FNDC1: variants seen among roughly 807,000 people sequenced by gnomAD.
FNDC1 encodes fibronectin type III domain-containing protein 1.
Under a neutral mutation model 168.0 loss-of-function variants are expected in FNDC1, and 96 were observed. The ratio of observed to expected loss-of-function variants is 0.57; its 90% CI spans 0.48 to 0.68. The LOEUF (loss-of-function observed/expected upper bound fraction) is 0.68. FNDC1 is among the 30% of genes least tolerant of loss of function. The pLI is 0.00. For synonymous variants in FNDC1, 1,099 were observed against 1,025.9 expected, an observed-to-expected ratio of 1.07 and a Z score of -1.36; for missense variants, 2,587 against 2,482.1, an observed-to-expected ratio of 1.04 and a Z score of -0.90.
At chr6:159,183,524 A>G (rs1481179727) in intron 1 of FNDC1, among the ~76,000 whole-genome samples, 3 of 152,190 alleles carry the variant, frequency 2.0e-5, no homozygotes, top group Admixed American at 1.3e-4. Context: ...CCTTCCACAT[A>G]TGGATGGTCT....
rs1213847082 is a variant in FNDC1 at position 159,232,757 on chromosome 6, G to A, written c.2245G>A (p.Asp749Asn). The change falls in exon 11 of 23, where the codon GAC becomes AAC. Residue 749 changes from aspartate (D) to asparagine (N), a missense_variant. Transcript: ENST00000297267. The surrounding 1 kb of genome is among the most constrained non-coding windows in gnomAD (Gnocchi z 4.9). ...PLSKGGKDGEDAPATNSNAPS... is the reference protein window; with the variant it reads ...PLSKGGKDGENAPATNSNAPS... ...TTCCAAGGGCGGGAAGGATGGTGAGGACGCCCCAGCCACCAACTCCAATGC... is the reference window on the plus strand; with the variant it reads ...TTCCAAGGGCGGGAAGGATGGTGAGAACGCCCCAGCCACCAACTCCAATGC... 6.2e-7 allele frequency: 1 copy of A among 1,613,880 alleles called. No individual in the cohort carries two copies. The highest frequency in any genetic ancestry group is 2.2e-5 in the East Asian group (1 of 44,846).
At chr6:159,227,451 C>T (rs1235169158) in intron 9 of FNDC1, among the ~76,000 whole-genome samples, 1 of 152,112 alleles carries the variant, frequency 6.6e-6, no homozygotes, top group Non-Finnish European at 1.5e-5. Context: ...TACTAGTCTC[C>T]TTTGAGAATT....
intron 18 of FNDC1, among the ~76,000 whole-genome samples, chr6:159,260,440 A>C (rs78589424): frequency 0.088 from 13,368 of 152,248 alleles, 1,073 homozygotes; most frequent in East Asian, 0.32. Flanking sequence ...GTTCCAAGAC[A>C]AAATTTAGCC....
chr6:159,187,407 G>A (rs969809496), intron 1 of FNDC1, among the ~76,000 whole-genome samples: 1 of 152,152 alleles, frequency 6.6e-6, no homozygotes, highest in Non-Finnish European at 1.5e-5. Context: ...ATTCCCTAGT[G>A]TGTTTTATAA....
intron 1 of FNDC1, among the ~76,000 whole-genome samples, chr6:159,181,969 T>C (rs294882): frequency 0.54 from 82,045 of 151,946 alleles, 22,444 homozygotes; most frequent in Middle Eastern, 0.63. Context: ...CACTTTCCAC[T>C]CCACCCATCA....
chr6:159,194,096 C>T (rs919149801), intron 1 of FNDC1, among the ~76,000 whole-genome samples: 2 of 152,314 alleles, frequency 1.3e-5, no homozygotes, highest in African/African-American at 2.4e-5. Flanking sequence ...TCTGGAGCAC[C>T]TTACCATCTG....
rs1383751277 is a variant in FNDC1, at chr6:159,232,804, C to G, written c.2292C>G (p.Ser764=). 3.1e-6 allele frequency: 5 copies of G among 1,613,882 alleles called. No individual in the cohort carries two copies. In the South Asian group the frequency reaches 5.5e-5, roughly 18 times the overall value. The change falls in exon 11 of 23, where the codon TCC becomes TCG. Residue 764 remains serine, a synonymous_variant. Coordinates refer to ENST00000297267, the MANE Select transcript of FNDC1 (RefSeq NM_032532.3). The surrounding 1 kb of genome is among the most constrained non-coding windows in gnomAD (Gnocchi z 4.9). ...ATGCGCCATCACGGTCCACCATGTC[C>G]TCCTCCGTCTCTTCTCATCTCTCGT... ...NSNAPSRSTM[S]SSVSSHLSSR...
intron 1 of FNDC1, among the ~76,000 whole-genome samples, chr6:159,183,316 T>C (rs1445323002): frequency 2.0e-5 from 3 of 152,164 alleles, no homozygotes; most frequent in African/African-American, 4.8e-5. Flanking sequence ...TGACTTGACA[T>C]TGGGGGACAT....
chr6:159,171,603 C>A (rs1296570361), intron 1 of FNDC1, among the ~76,000 whole-genome samples: 1 of 152,218 alleles, frequency 6.6e-6, no homozygotes, highest in Non-Finnish European at 1.5e-5. Context: ...AAGCAGGACA[C>A]ACTGAAGATC....
chr6:159,173,527 G>A (rs2114913779), intron 1 of FNDC1, among the ~76,000 whole-genome samples: 1 of 152,274 alleles, frequency 6.6e-6, no homozygotes, highest in South Asian at 2.1e-4. Context: ...GTTGTAATAG[G>A]ATTGCAGAGT....
chr6:159,249,289 G>A, intron 16 of FNDC1, 107 bp downstream of exon 16: 2 of 1,094,268 alleles, frequency 1.8e-6, no homozygotes, highest in Non-Finnish European at 2.6e-6. Context: ...ATTTTGAGAA[G>A]TTTTTCCAGA....
rs1783172191 is a variant in FNDC1 at position 159,233,843 on chromosome 6, C to G, written c.3331C>G (p.Gln1111Glu). ...GGCAGCTGCGTCCCTTCCCAAGCAC[C>G]AGCAGGTGGAGTCTCCCACAGGCGC... is the stretch of plus-strand genomic sequence containing the variant. ...KEAAASLPKH[Q>E]QVESPTGAGA... The change falls in exon 11 of 23, where the codon CAG (glutamine) becomes GAG (glutamate). Residue 1111 changes from glutamine to glutamate, a missense_variant. Transcript: ENST00000297267. This position sits in a 1 kb window ranked among gnomAD's most constrained non-coding sequence, Gnocchi z 4.6. 1.3e-6 allele frequency: 2 copies of G among 1,544,516 alleles called. No individual in the cohort carries two copies. The highest frequency in any genetic ancestry group is 2.7e-5 in the African/African-American group (2 of 72,860).
chr6:159,178,206 C>A (rs1462705128), intron 1 of FNDC1, among the ~76,000 whole-genome samples: 2 of 152,214 alleles, frequency 1.3e-5, no homozygotes, highest in Non-Finnish European at 2.9e-5. Context: ...CTGGCACTAT[C>A]CTCTTCATTG....
intron 22 of FNDC1, among the ~76,000 whole-genome samples, chr6:159,269,597 GTCTATCTATCTA>G (rs201581423): frequency 0.024 from 3,008 of 123,872 alleles, 36 homozygotes; most frequent in African/African-American, 0.031. Flanking sequence ...CTGTCTGTCT[GTCTATCTATCTA>G]TCTATCTATC....
chr6:159,183,874 G>T (rs556405240), intron 1 of FNDC1, among the ~76,000 whole-genome samples: 2 of 152,208 alleles, frequency 1.3e-5, no homozygotes, highest in African/African-American at 4.8e-5. Flanking sequence ...TTCAGGGCAC[G>T]AGCTCATGTG....
In FNDC1 at chr6:159,221,625, T is replaced by G. The variant is rs199700478; in HGVS notation, c.695T>G (p.Leu232Arg). Residue 232 changes from leucine to arginine, a missense_variant, in exon 6 of 23, where the codon CTG (leucine) becomes CGG (arginine). By Grantham distance (102) the Leu-to-Arg change is moderately radical (BLOSUM62 -2). Transcript: ENST00000297267. ...TCGGAATCCGTGTATGTGGTCTCCC[T>G]GCAGTCCATGAACTCTCAGGGCCGG... Reference protein sequence around the residue: ...LASESVYVVSLQSMNSQGRSQ... With the variant: ...LASESVYVVSRQSMNSQGRSQ... 2.5e-5 allele frequency: 40 copies of G among 1,614,034 alleles called. 1 individual carries two copies. In the Admixed American group the frequency reaches 5.0e-4, roughly 20 times the overall value.
intron 1 of FNDC1, among the ~76,000 whole-genome samples, chr6:159,185,125 C>T (rs1237623121): frequency 6.6e-6 from 1 of 151,154 alleles, no homozygotes; most frequent in Non-Finnish European, 1.5e-5. Flanking sequence ...ACACTGGATC[C>T]TAAACAAAAT....
intron 1 of FNDC1, among the ~76,000 whole-genome samples, chr6:159,188,253 TGTAACTTAGTCTGTCCTCACTG>T (rs1782044493): frequency 6.6e-6 from 1 of 152,230 alleles, no homozygotes; most frequent in Non-Finnish European, 1.5e-5. Context: ...GGAGTTTCTT[TGTAACTTAGTCTGTCCTCACTG>T]GCTCCTTGGC....
intron 19 of FNDC1, among the ~76,000 whole-genome samples, chr6:159,262,496 TG>T (rs1777506136): frequency 6.6e-6 from 1 of 152,238 alleles, no homozygotes; most frequent in Admixed American, 6.5e-5. Context: ...CTATTATCTG[TG>T]GTTAATTTGC....
Sources: allele counts gnomAD v4.1 joint callset (sites outside exome capture counted in the v4.1 genomes callset), GRCh38; gene constraint gnomAD v4.1.1; non-coding constraint Gnocchi (gnomAD v3.1); transcripts MANE v1.5; gene names NCBI Gene and HGNC (gene_info 2026-07-23, HGNC 2026-07-21).